SLIT1: variants seen among roughly 807,000 people sequenced by gnomAD.
SLIT1 encodes slit guidance ligand 1.
Under a neutral mutation model 186.1 loss-of-function variants are expected in SLIT1, and 66 were observed. The ratio of observed to expected loss-of-function variants is 0.35; its 90% CI spans 0.29 to 0.44. The LOEUF is 0.44. Among genes scored for constraint, SLIT1 ranks in the 20% least tolerant of loss-of-function variants. SLIT1 has a pLI of 1.00. For synonymous variants in SLIT1, 761 were observed against 833.8 expected (o/e 0.91, Z 1.50); for missense variants, 1,638 against 2,037.4 (o/e 0.80, Z 3.77).
At chr10:97,116,827 C>A (rs745761716) in intron 4 of SLIT1, among the ~76,000 whole-genome samples, 1 of 152,152 alleles carries the variant, frequency 6.6e-6, no homozygotes, top group Non-Finnish European at 1.5e-5. Context: ...CCCCTCCATC[C>A]CCAGCCCACC....
Position 97,043,119 on chromosome 10 carries a change from T to A in SLIT1, c.1998-52A>T. On this transcript the variant is annotated intron_variant, in intron 19 of 36. Coordinates refer to ENST00000266058, the MANE Select transcript of SLIT1 (RefSeq NM_003061.3). This position sits in a 1 kb window ranked among gnomAD's most constrained non-coding sequence, Gnocchi z 7.0. ...GGAGACACTCTGCCCCTCTCAGAGG[T>A]CCCAGCAAACCCCTCCTGTACCACG... 1 of 1,582,292 alleles carries A rather than the reference T, an allele frequency of 6.3e-7. No homozygotes were observed. The highest frequency in any genetic ancestry group is 1.2e-5 in the South Asian group (1 of 86,140).
At chr10:97,166,716 A>G (rs1215843970) in intron 1 of SLIT1, among the ~76,000 whole-genome samples, 1 of 152,284 alleles carries the variant, frequency 6.6e-6, no homozygotes, top group African/African-American at 2.4e-5. Context: ...GGTTGCTGGG[A>G]TGTTCTAGGG....
chr10:97,020,395 T>C (rs1848492047), intron 26 of SLIT1, among the ~76,000 whole-genome samples: 1 of 152,120 alleles, frequency 6.6e-6, no homozygotes. Context: ...ATAAAAATAA[T>C]AAAACAAAAC....
At chr10:97,164,464 T>A (rs902468) in intron 2 of SLIT1, among the ~76,000 whole-genome samples, 2,297 of 151,234 alleles carry the variant, frequency 0.015, 62 homozygotes, top group African/African-American at 0.053. Context: ...AGGTTGGGGG[T>A]TTCTGGAGCA....
At chr10:97,066,592 C>G (rs944791253) in intron 4 of SLIT1, among the ~76,000 whole-genome samples, 4 of 152,196 alleles carry the variant, frequency 2.6e-5, no homozygotes, top group Admixed American at 1.3e-4. Flanking sequence ...GGCACCTCCC[C>G]CTCCATTCTC....
intron 4 of SLIT1, among the ~76,000 whole-genome samples, chr10:97,075,801 T>C (rs1289539607): frequency 1.3e-5 from 2 of 152,160 alleles, no homozygotes; most frequent in African/African-American, 4.8e-5. Flanking sequence ...CACACTGAAG[T>C]CTGAGAAGTG....
Position 97,184,018 on chromosome 10 carries a change from C to CCACACACACACA in SLIT1, c.197+1448_197+1459dup, listed in dbSNP as rs36000443. Reference sequence around the variant, plus strand: ...ATTCACACACACACATACACATGCACCACACACACACACACACACACACAC... The same window carrying CCACACACACACA: ...ATTCACACACACACATACACATGCACCACACACACACACACACACACACACACACACACACAC... On this transcript the variant is annotated intron_variant, in intron 1 of 36. Coordinates refer to ENST00000266058, the MANE Select transcript of SLIT1 (RefSeq NM_003061.3). This position sits in a 1 kb window ranked among gnomAD's most constrained non-coding sequence, Gnocchi z 4.4. Among the ~76,000 whole-genome samples the CCACACACACACA allele has an allele frequency of 4.8e-4, 69 of 142,586 alleles. No homozygotes were observed. Among genetic ancestry groups the CCACACACACACA allele is most frequent in the African/African-American group, 9.5e-4 (36 of 38,082 alleles). 93.5% of individuals were successfully genotyped at this position (142,586 alleles called of 152,430 possible).
At chr10:97,045,913 G>A (rs1038070293) in intron 18 of SLIT1, among the ~76,000 whole-genome samples, 1 of 152,178 alleles carries the variant, frequency 6.6e-6, no homozygotes, top group African/African-American at 2.4e-5. Flanking sequence ...GCCACATGTA[G>A]CTATTTAGAT....
At chr10:97,037,930 G>A (rs1042185875) in intron 21 of SLIT1, among the ~76,000 whole-genome samples, 164 bp from the exon 22 acceptor site, 1 of 152,058 alleles carries the variant, frequency 6.6e-6, no homozygotes, top group South Asian at 2.1e-4. Context: ...AAATATGTAC[G>A]TTGTTGAAGC....
At chr10:97,158,384 G>GC (rs1311473924) in intron 3 of SLIT1, among the ~76,000 whole-genome samples, 2 of 152,046 alleles carry the variant, frequency 1.3e-5, no homozygotes, top group African/African-American at 4.8e-5. Context: ...AATAGCAGCT[G>GC]GGCGCAGTGG....
At chr10:97,157,094 T>C (rs1849961313) in intron 4 of SLIT1, among the ~76,000 whole-genome samples, 1 of 152,180 alleles carries the variant, frequency 6.6e-6, no homozygotes, top group Non-Finnish European at 1.5e-5. Context: ...TGTCCAGTGA[T>C]AGAGTTGATT....
In SLIT1 at chr10:97,096,746, C is replaced by T. The variant is rs117315004; in HGVS notation, c.414-30660G>A. On this transcript the variant is annotated intron_variant, in intron 4 of 36. Transcript: ENST00000266058. ...AAACCCAGAAAAACCCAGGGGCCAG[C>T]GGTTTTCTCACTTCTAGTAACCACA... Among the ~76,000 whole-genome samples, 163 of 152,174 alleles carry T rather than the reference C, an allele frequency of 1.1e-3. 2 individuals carry two copies. Among genetic ancestry groups the T allele is most frequent in the African/African-American group, 3.5e-3 (144 of 41,518 alleles).
chr10:97,066,234 G>T (rs982271600), intron 4 of SLIT1, 148 bp from the exon 5 acceptor site: 8 of 654,496 alleles, frequency 1.2e-5, no homozygotes, highest in Admixed American at 9.3e-5. Flanking sequence ...ACAGTGCCTG[G>T]CCCACAGTGG....
chr10:97,127,178 C>T (rs1393865451), intron 4 of SLIT1, among the ~76,000 whole-genome samples: 1 of 151,954 alleles, frequency 6.6e-6, no homozygotes, highest in African/African-American at 2.4e-5. Context: ...GCCTGTAATC[C>T]CAGCTACTGA....
At chr10:97,049,877 G>A (rs944148808) in intron 13 of SLIT1, among the ~76,000 whole-genome samples, 1 of 152,250 alleles carries the variant, frequency 6.6e-6, no homozygotes, top group African/African-American at 2.4e-5. Flanking sequence ...GCGGGGAGCA[G>A]ATGGCCGTGA....
chr10:97,095,707 C>T (rs530159530), intron 4 of SLIT1, among the ~76,000 whole-genome samples: 38 of 152,284 alleles, frequency 2.5e-4, no homozygotes, highest in South Asian at 8.3e-4. Flanking sequence ...AGCTCTATGA[C>T]GGACATCATG....
intron 18 of SLIT1, 74 bp downstream of exon 18, chr10:97,046,578 CCT>C: frequency 7.0e-7 from 1 of 1,431,020 alleles, no homozygotes; most frequent in Non-Finnish European, 9.3e-7. Flanking sequence ...GCTCCTCCAG[CCT>C]CTCTCTTCCT....
intron 4 of SLIT1, among the ~76,000 whole-genome samples, chr10:97,070,168 GA>G (rs1848989151): frequency 6.6e-6 from 1 of 152,236 alleles, no homozygotes; most frequent in South Asian, 2.1e-4. Context: ...GCAATCTCAT[GA>G]AAAACCCCAA....
chr10:97,066,121 G>A (rs372320026), intron 4 of SLIT1, 35 bp from the exon 5 acceptor site: 30 of 1,519,508 alleles, frequency 2.0e-5, no homozygotes, highest in African/African-American at 1.6e-4. Context: ...AGAAAACACC[G>A]GTCAGAAAAG....
Sources: allele counts gnomAD v4.1 joint callset (sites outside exome capture counted in the v4.1 genomes callset), GRCh38; gene constraint gnomAD v4.1.1; non-coding constraint Gnocchi (gnomAD v3.1); transcripts MANE v1.5; gene names NCBI Gene and HGNC (gene_info 2026-07-23, HGNC 2026-07-21).